PTPRN2: variants seen among roughly 807,000 people sequenced by gnomAD.
PTPRN2 encodes receptor-type tyrosine-protein phosphatase N2.
In PTPRN2, 74 loss-of-function variants were observed where a neutral mutation model predicts 118.8. The observed-to-expected ratio is 0.62, with a 90% confidence interval of 0.52 to 0.76. PTPRN2 has a LOEUF of 0.76. Ranked by LOEUF, PTPRN2 falls within the 30% of genes least tolerant of loss-of-function variation. The probability of loss-of-function intolerance (pLI) is 0.00; values close to 1 mark genes in which losing one functional copy is unlikely to be tolerated. For synonymous variants in PTPRN2, 641 were observed against 608.0 expected, an observed-to-expected ratio of 1.05 and a Z score of -0.80; for missense variants, 1,481 against 1,394.4, an observed-to-expected ratio of 1.06 and a Z score of -0.99.
Position 158,138,514 on chromosome 7 carries a change from T to G in PTPRN2, c.912A>C (p.Gly304=). The G allele has an allele frequency of 6.2e-7, 1 of 1,609,958 alleles. No individual in the cohort carries two copies. The highest frequency in any genetic ancestry group is 8.5e-7 in the Non-Finnish European group (1 of 1,179,386). ...CCTTCAGGAGGGTATGAATCCGTGC[T>G]CCTAGGGGCACACACACAAACACAA... The part of the protein sequence containing the change: ...DSEDPSSTGD[G]ARIHTLLKDL... The change falls in exon 7 of 23, where the codon GGA becomes GGC. Residue 304 remains glycine (G), a splice_region_variant and synonymous_variant. Transcript: ENST00000389418.
intron 11 of PTPRN2, among the ~76,000 whole-genome samples, chr7:158,075,535 G>A (rs1812280683): frequency 6.6e-6 from 1 of 152,150 alleles, no homozygotes; most frequent in African/African-American, 2.4e-5. Context: ...GACGGGCACT[G>A]AGCCTGCGGG....
At chr7:157,569,468 C>T (rs1167071194) in intron 20 of PTPRN2, among the ~76,000 whole-genome samples, 4 of 152,196 alleles carry the variant, frequency 2.6e-5, no homozygotes, top group Admixed American at 2.6e-4. Flanking sequence ...CCCTTCTAAA[C>T]GCAGGTCCTC....
intron 13 of PTPRN2, among the ~76,000 whole-genome samples, chr7:157,657,031 T>C (rs1309113602): frequency 4.6e-5 from 4 of 87,478 alleles, no homozygotes; most frequent in Admixed American, 1.3e-4. Flanking sequence ...ACCACACACA[T>C]CACACATATA....
chr7:157,626,953 A>G (rs180799530), intron 14 of PTPRN2, among the ~76,000 whole-genome samples: 2 of 152,372 alleles, frequency 1.3e-5, no homozygotes, highest in East Asian at 1.9e-4. Context: ...CATGACAGAC[A>G]GGTGTCAGCT....
At chr7:158,527,173 G>A (rs1228772776) in intron 1 of PTPRN2, among the ~76,000 whole-genome samples, 1 of 152,082 alleles carries the variant, frequency 6.6e-6, no homozygotes, top group East Asian at 1.9e-4. Context: ...CGGAGCAAAT[G>A]CAGCTGTGTC....
chr7:157,919,095 CG>C (rs1285874597), intron 11 of PTPRN2, among the ~76,000 whole-genome samples: 3 of 152,144 alleles, frequency 2.0e-5, no homozygotes, highest in South Asian at 2.1e-4. Flanking sequence ...GGTCCTACAG[CG>C]GGCCCGAGAA....
intron 6 of PTPRN2, among the ~76,000 whole-genome samples, chr7:158,141,390 T>C (rs544326492): frequency 2.0e-5 from 3 of 152,314 alleles, no homozygotes; most frequent in African/African-American, 7.2e-5. Flanking sequence ...AGGCTGTGTC[T>C]AGTCCATGCC....
chr7:158,208,489 A>G (rs904157280), intron 3 of PTPRN2, among the ~76,000 whole-genome samples: 8 of 152,218 alleles, frequency 5.3e-5, no homozygotes, highest in Non-Finnish European at 1.0e-4. Context: ...CAGGCCAGGA[A>G]ACGGGATTGT....
At chr7:157,604,741 G>A (rs1801897741) in intron 15 of PTPRN2, among the ~76,000 whole-genome samples, 2 of 152,194 alleles carry the variant, frequency 1.3e-5, no homozygotes, top group African/African-American at 2.4e-5. Context: ...AAACTCGCTC[G>A]GACAGACAGA....
intron 22 of PTPRN2, among the ~76,000 whole-genome samples, chr7:157,547,968 G>A (rs565005573): frequency 4.6e-5 from 7 of 152,326 alleles, no homozygotes; most frequent in African/African-American, 1.7e-4. Flanking sequence ...GGCATCGCTG[G>A]GCCTGTTGGT....
At chr7:158,179,942 T>C (rs1004559685) in intron 5 of PTPRN2, among the ~76,000 whole-genome samples, 2 of 152,256 alleles carry the variant, frequency 1.3e-5, no homozygotes, top group East Asian at 1.9e-4. Context: ...AAAGTAGCTA[T>C]AAATATGACT....
At chr7:158,196,351 G>A (rs1449264194) in intron 4 of PTPRN2, among the ~76,000 whole-genome samples, 1 of 152,174 alleles carries the variant, frequency 6.6e-6, no homozygotes, top group Non-Finnish European at 1.5e-5. Flanking sequence ...GAGCACCACT[G>A]TCCCTGAGGC....
chr7:157,910,419 C>T (rs1022916061), intron 11 of PTPRN2, among the ~76,000 whole-genome samples: 4 of 146,622 alleles, frequency 2.7e-5, no homozygotes, highest in Non-Finnish European at 4.5e-5. Flanking sequence ...CACGCACGTA[C>T]GCCGTGGGAA....
At position 158,587,685 on chromosome 7, in the gene PTPRN2, G is replaced by A. The variant is rs1167648127; in HGVS notation, c.-16C>T. On this transcript the variant is annotated 5_prime_UTR_variant, in exon 1 of 23. Transcript: ENST00000389418. ...GCGGCCCCATCCCCGCGGCCTGGCC[G>A]GCGGCGCTCAGTCCATGGCCGCGCG... is the stretch of plus-strand genomic sequence containing the variant. The A allele has an allele frequency of 7.6e-6, 10 of 1,310,474 alleles. No homozygotes were observed. In the South Asian group the frequency reaches 1.5e-4, roughly 20 times the overall value. The allele number at this position is 1,310,474 out of a possible 1,614,324, so 81.2% of individuals were successfully genotyped here.
chr7:158,081,240 G>GCGTGTGTGTGTGCACACA (rs914046134), intron 11 of PTPRN2, 58 bp downstream of exon 11: 218 of 1,461,342 alleles, frequency 1.5e-4, no homozygotes, highest in Admixed American at 4.2e-4. Flanking sequence ...GTGTTTGCGT[G>GCGTGTGTGTGTGCACACA]CGTGTGTGTG....
intron 11 of PTPRN2, among the ~76,000 whole-genome samples, chr7:158,065,121 G>A (rs990170432): frequency 4.6e-5 from 7 of 152,212 alleles, no homozygotes; most frequent in African/African-American, 1.7e-4. Flanking sequence ...TGAGATTGCC[G>A]ACTCGGGACG....
At chr7:158,066,621 G>A (rs1007293323) in intron 11 of PTPRN2, among the ~76,000 whole-genome samples, 10 of 152,304 alleles carry the variant, frequency 6.6e-5, no homozygotes, top group African/African-American at 2.2e-4. Context: ...ACAGGAGAAC[G>A]TTAACGCTAA....
chr7:157,569,060 C>CGG, intron 20 of PTPRN2, 94 bp from the exon 21 acceptor site: 2 of 1,202,092 alleles, frequency 1.7e-6, no homozygotes, highest in Non-Finnish European at 2.4e-6. Flanking sequence ...TTCCTGCTTA[C>CGG]GGGGGCCGGC....
chr7:157,772,290 A>T (rs199855977), intron 12 of PTPRN2, among the ~76,000 whole-genome samples: 1 of 121,494 alleles, frequency 8.2e-6, no homozygotes, highest in African/African-American at 2.9e-5. Flanking sequence ...CAGACACACA[A>T]ACACACAGAC....
Sources: allele counts gnomAD v4.1 joint callset (sites outside exome capture counted in the v4.1 genomes callset), GRCh38; gene constraint gnomAD v4.1.1; transcripts MANE v1.5; gene names NCBI Gene and HGNC (gene_info 2026-07-23, HGNC 2026-07-21).